The following PTP4A1 variants were observed in gnomAD, a reference collection of about 807,000 sequenced individuals.
PTP4A1 encodes protein tyrosine phosphatase type IVA 1.
In PTP4A1, 9 loss-of-function variants were observed where a neutral mutation model predicts 20.5. The ratio of observed to expected loss-of-function variants is 0.44; its 90% CI spans 0.26 to 0.77. PTP4A1 has a LOEUF of 0.77. Ranked by LOEUF, PTP4A1 falls within the 30% of genes least tolerant of loss-of-function variation. The probability of loss-of-function intolerance (pLI) is 0.19; values close to 1 mark genes in which losing one functional copy is unlikely to be tolerated. For missense variants in PTP4A1, 137 were observed against 218.8 expected (o/e 0.63, Z 2.36); for synonymous variants, 78 against 67.4 (o/e 1.16, Z -0.77).
At chr6:63,574,003 T>A (rs1777682391) in intron 1 of PTP4A1, among the ~76,000 whole-genome samples, 1 of 152,152 alleles carries the variant, frequency 6.6e-6, no homozygotes. Context: ...TTTTTTATCT[T>A]CTGTCCGCGG....
intron 2 of PTP4A1, among the ~76,000 whole-genome samples, chr6:63,528,644 C>T (rs1412016995): frequency 6.6e-6 from 1 of 152,040 alleles, no homozygotes. Flanking sequence ...GCCTGTCATC[C>T]CAGCTACTCA....
Position 63,572,536 on chromosome 6 carries a change from C to A in PTP4A1, c.-629C>A. 2.5e-6 allele frequency: 1 copy of A among 395,690 alleles called. No homozygotes were observed. Among genetic ancestry groups the A allele is most frequent in the Non-Finnish European group, 4.5e-6 (1 of 224,596 alleles). The allele number at this position is 395,690 out of a possible 1,614,324, so 24.5% of individuals were successfully genotyped here. ...CGGGCCGGCTCGGCTACGCGCTCTG[C>A]TCCGAGCCGCTCACTGCATGGTAGA... On this transcript the variant is annotated 5_prime_UTR_variant, in exon 1 of 6. Coordinates refer to ENST00000626021, the MANE Select transcript of PTP4A1 (RefSeq NM_003463.5).
upstream of PTP4A1, among the ~76,000 whole-genome samples, chr6:63,519,052 C>T (rs956121983): frequency 2.0e-5 from 3 of 152,166 alleles, no homozygotes; most frequent in Admixed American, 6.5e-5. Context: ...CAGTGGCTCA[C>T]GCCTGTAATC....
At chr6:63,534,123 A>G (rs759507389) in intron 2 of PTP4A1, among the ~76,000 whole-genome samples, 9 of 152,180 alleles carry the variant, frequency 5.9e-5, no homozygotes, top group Non-Finnish European at 1.0e-4. Flanking sequence ...GATTACAGGC[A>G]TGAGCCACAG....
At chr6:63,533,210 G>A (rs1241702275) in intron 2 of PTP4A1, among the ~76,000 whole-genome samples, 2 of 152,038 alleles carry the variant, frequency 1.3e-5, no homozygotes, top group African/African-American at 4.8e-5. Flanking sequence ...GGTTAAACCT[G>A]GTATCTACTA....
intron 2 of PTP4A1, chr6:63,549,026 C>T: frequency 1.4e-6 from 1 of 727,610 alleles, no homozygotes. Flanking sequence ...CGATGGGATC[C>T]ACGTCGTGTG....
intron 2 of PTP4A1, among the ~76,000 whole-genome samples, chr6:63,536,067 C>G (rs1169305166): frequency 1.3e-5 from 2 of 151,916 alleles, no homozygotes; most frequent in Admixed American, 6.5e-5. Flanking sequence ...GCCACCACTC[C>G]CGGTCTGTAA....
chr6:63,546,408 A>G (rs538493802), intron 2 of PTP4A1, among the ~76,000 whole-genome samples: 4 of 152,298 alleles, frequency 2.6e-5, no homozygotes, highest in Non-Finnish European at 5.9e-5. Flanking sequence ...GATGTTGTTT[A>G]AAGAGTACAA....
chr6:63,520,765 T>C (rs1774890522), upstream of PTP4A1, among the ~76,000 whole-genome samples: 1 of 152,180 alleles, frequency 6.6e-6, no homozygotes. Context: ...GTCAATATGA[T>C]TAGTGTCAGA....
chr6:63,535,111 TAGGTA>T (rs1775662210), intron 2 of PTP4A1, among the ~76,000 whole-genome samples: 1 of 151,992 alleles, frequency 6.6e-6, no homozygotes, highest in East Asian at 1.9e-4. Context: ...AACAGTATTT[TAGGTA>T]ATAAAATACA....
chr6:63,549,758 A>AT (rs1439296420), intron 2 of PTP4A1, among the ~76,000 whole-genome samples: 3 of 152,144 alleles, frequency 2.0e-5, no homozygotes, highest in Non-Finnish European at 4.4e-5. Flanking sequence ...TAAAAAAAAA[A>AT]GTTGATCTTA....
chr6:63,552,304 T>G (rs1776486311), intron 3 of PTP4A1, among the ~76,000 whole-genome samples: 1 of 152,250 alleles, frequency 6.6e-6, no homozygotes, highest in Non-Finnish European at 1.5e-5. Flanking sequence ...CATTTTTTCA[T>G]GTGTTTTTTT....
At chr6:63,545,277 G>A (rs1426702665) in intron 2 of PTP4A1, among the ~76,000 whole-genome samples, 1 of 152,118 alleles carries the variant, frequency 6.6e-6, no homozygotes, top group Non-Finnish European at 1.5e-5. Flanking sequence ...CTGCCTTTGA[G>A]TACTTCCTTA....
upstream of PTP4A1, chr6:63,572,032 C>A (rs569976058): frequency 5.9e-5 from 9 of 152,316 alleles, no homozygotes; most frequent in South Asian, 1.9e-3. Context: ...GTGGTTAAGG[C>A]AGTAGAAAGC....
chr6:63,536,620 T>G (rs1775738969), intron 2 of PTP4A1, among the ~76,000 whole-genome samples: 1 of 152,220 alleles, frequency 6.6e-6, no homozygotes. Context: ...TATAATATTT[T>G]TCTACTGTAA....
At chr6:63,541,038 G>A (rs906457815) in intron 2 of PTP4A1, among the ~76,000 whole-genome samples, 10 of 150,520 alleles carry the variant, frequency 6.6e-5, no homozygotes, top group South Asian at 2.1e-4. Flanking sequence ...AGGAAGGAAG[G>A]AAGGAAGGAA....
At chr6:63,573,702 C>G (rs562369568) in intron 1 of PTP4A1, 1 of 152,234 alleles carries the variant, frequency 6.6e-6, no homozygotes, top group African/African-American at 2.4e-5. Context: ...ACCTCGGGCT[C>G]GTGATAATGG....
chr6:63,573,827 G>C (rs1422167049), intron 1 of PTP4A1, among the ~76,000 whole-genome samples: 1 of 152,178 alleles, frequency 6.6e-6, no homozygotes, highest in African/African-American at 2.4e-5. Context: ...AGGACTTCCC[G>C]TCCGGGCACC....
chr6:63,579,521 C>G (rs1332255570), intron 5 of PTP4A1, among the ~76,000 whole-genome samples, 190 bp downstream of exon 5: 1 of 152,112 alleles, frequency 6.6e-6, no homozygotes, highest in Non-Finnish European at 1.5e-5. Flanking sequence ...GATTCTAATC[C>G]AACAAGAGTT....
Sources: gnomAD v4.1 joint callset for allele counts (sites outside exome capture counted in the v4.1 genomes callset) on GRCh38, gnomAD v4.1.1 for gene constraint, MANE v1.5 for transcripts, NCBI Gene and HGNC (gene_info 2026-07-23, HGNC 2026-07-21) for gene names.